GRM7: variants seen among roughly 807,000 people sequenced by gnomAD.
GRM7 encodes the protein metabotropic glutamate receptor 7.
In GRM7, 35 loss-of-function variants were observed where a neutral mutation model predicts 84.5. The ratio of observed to expected loss-of-function variants is 0.41; its 90% CI spans 0.32 to 0.55. The LOEUF is 0.55. Among genes scored for constraint, GRM7 ranks in the 20% least tolerant of loss-of-function variants. The pLI is 0.19. For synonymous variants in GRM7, 487 were observed against 455.1 expected (o/e 1.07, Z -0.89); for missense variants, 1,003 against 1,194.6 (o/e 0.84, Z 2.36).
At chr3:7,449,650 AGAAATTTGACCCAGTCG>A (rs1697683338) in intron 5 of GRM7, among the ~76,000 whole-genome samples, 1 of 152,042 alleles carries the variant, frequency 6.6e-6, no homozygotes, top group South Asian at 2.1e-4. Context: ...TAAAATATCC[AGAAATTTGACCCAGTCG>A]CATATGGAAA....
At chr3:7,388,584 G>A (rs1300478479) in intron 4 of GRM7, among the ~76,000 whole-genome samples, 3 of 151,848 alleles carry the variant, frequency 2.0e-5, no homozygotes, top group African/African-American at 7.3e-5. Flanking sequence ...GCTTTTTTTG[G>A]TTCATAGATT....
chr3:7,019,316 C>T (rs1695685725), intron 1 of GRM7, among the ~76,000 whole-genome samples: 1 of 152,078 alleles, frequency 6.6e-6, no homozygotes, highest in South Asian at 2.1e-4. Flanking sequence ...AAAGTCAATA[C>T]TTTACGTTAG....
intron 9 of GRM7, among the ~76,000 whole-genome samples, chr3:7,682,720 T>C (rs191194871): frequency 1.3e-5 from 2 of 152,234 alleles, no homozygotes; most frequent in Admixed American, 6.5e-5. Flanking sequence ...AAAACATTAC[T>C]ACTGTTGCTA....
At chr3:7,306,790 C>A in intron 4 of GRM7, 138 bp downstream of exon 4, 2 of 609,540 alleles carry the variant, frequency 3.3e-6, no homozygotes, top group Non-Finnish European at 5.6e-6. Context: ...CCATGAAATG[C>A]AAATGAGGCC....
chr3:7,380,664 A>C (rs1267814213), intron 4 of GRM7, among the ~76,000 whole-genome samples: 1 of 152,208 alleles, frequency 6.6e-6, no homozygotes, highest in East Asian at 1.9e-4. Context: ...CTAGCCTACC[A>C]GGTGGTAAAA....
chr3:6,929,570 C>A (rs1349140751), intron 1 of GRM7, among the ~76,000 whole-genome samples: 4 of 152,012 alleles, frequency 2.6e-5, no homozygotes, highest in Non-Finnish European at 5.9e-5. Context: ...AGAATTATGT[C>A]TATCTGTTCA....
At chr3:7,061,836 A>G (rs2124970442) in intron 1 of GRM7, among the ~76,000 whole-genome samples, 1 of 151,896 alleles carries the variant, frequency 6.6e-6, no homozygotes, top group Non-Finnish European at 1.5e-5. Context: ...AAGGAATTTA[A>G]GTAACTTTCT....
At chr3:7,029,580 T>TG (rs1696115039) in intron 1 of GRM7, among the ~76,000 whole-genome samples, 1 of 152,136 alleles carries the variant, frequency 6.6e-6, no homozygotes, top group Non-Finnish European at 1.5e-5. Context: ...TGAAGTACCT[T>TG]GCAAAGGGTA....
chr3:6,881,921 T>TTGTGTGTGTGTGTGTGTGTG (rs3060190), intron 1 of GRM7, among the ~76,000 whole-genome samples: 1 of 144,612 alleles, frequency 6.9e-6, no homozygotes, highest in African/African-American at 2.5e-5. Flanking sequence ...GGCAATTGAA[T>TTGTGTGTGTGTGTGTGTGTG]TGTGTGTGTG....
chr3:7,020,384 G>C (rs1695733586), intron 1 of GRM7, among the ~76,000 whole-genome samples: 1 of 152,102 alleles, frequency 6.6e-6, no homozygotes, highest in South Asian at 2.1e-4. Context: ...GAACATGGGG[G>C]GATTTTTATA....
At chr3:7,066,422 A>G (rs1321349814) in intron 1 of GRM7, among the ~76,000 whole-genome samples, 1 of 151,968 alleles carries the variant, frequency 6.6e-6, no homozygotes, top group African/African-American at 2.4e-5. Context: ...TAGAAAACCT[A>G]GAGGAGATGG....
chr3:7,062,307 A>G (rs1697458310), intron 1 of GRM7, among the ~76,000 whole-genome samples: 1 of 151,642 alleles, frequency 6.6e-6, no homozygotes, highest in South Asian at 2.1e-4. Context: ...TTCAAAGAAC[A>G]TGAAGGAGAC....
chr3:7,073,274 T>G (rs1480997131), intron 1 of GRM7, among the ~76,000 whole-genome samples: 1 of 152,046 alleles, frequency 6.6e-6, no homozygotes, highest in Admixed American at 6.6e-5. Flanking sequence ...TTCTTATATC[T>G]CAAAATAATT....
At chr3:7,692,423 C>T (rs1203972021) in intron 9 of GRM7, among the ~76,000 whole-genome samples, 1 of 152,134 alleles carries the variant, frequency 6.6e-6, no homozygotes, top group South Asian at 2.1e-4. Flanking sequence ...TGGGATCCTA[C>T]CAAAAAATCA....
Position 7,323,696 on chromosome 3 carries a change from C to T in GRM7, c.1033+17044C>T, listed in dbSNP as rs537168554. On this transcript the variant is annotated intron_variant, in intron 4 of 9. Coordinates refer to ENST00000357716, the MANE Select transcript of GRM7 (RefSeq NM_000844.4). ...ATTTGCCAAGTCAATGGCCACATAA[C>T]GTGTCATGGTTTTGTTAATCTTCTC... Among the ~76,000 whole-genome samples the T allele has an allele frequency of 1.3e-4, 20 of 152,254 alleles. No individual in the cohort carries two copies. The South Asian group carries it at 1.7e-3, about 13-fold the overall frequency.
chr3:6,975,157 A>C (rs563541010), intron 1 of GRM7, among the ~76,000 whole-genome samples: 1 of 152,276 alleles, frequency 6.6e-6, no homozygotes, highest in African/African-American at 2.4e-5. Context: ...CAATGGGAAA[A>C]TATGTGGAGA....
chr3:6,981,285 T>C (rs141206191), intron 1 of GRM7, among the ~76,000 whole-genome samples: 2 of 152,330 alleles, frequency 1.3e-5, no homozygotes, highest in African/African-American at 2.4e-5. Flanking sequence ...TTACACGCAC[T>C]GTCTAAAATT....
intron 1 of GRM7, among the ~76,000 whole-genome samples, chr3:7,108,438 C>T (rs1264173070): frequency 6.6e-6 from 1 of 151,900 alleles, no homozygotes; most frequent in African/African-American, 2.4e-5. Flanking sequence ...TCTTGTATTT[C>T]CTTAAAAGCA....
intron 5 of GRM7, among the ~76,000 whole-genome samples, chr3:7,437,239 A>G (rs1697095799): frequency 6.6e-6 from 1 of 152,188 alleles, no homozygotes; most frequent in Non-Finnish European, 1.5e-5. Flanking sequence ...CTGTTGTATG[A>G]GTTAAGTGAG....
Sources: gnomAD v4.1 joint callset for allele counts (sites outside exome capture counted in the v4.1 genomes callset) on GRCh38, gnomAD v4.1.1 for gene constraint, MANE v1.5 for transcripts, NCBI Gene and HGNC (gene_info 2026-07-23, HGNC 2026-07-21) for gene names.